Variants in KCNH7 observed in about 807,000 individuals in gnomAD.
KCNH7 encodes voltage-gated inwardly rectifying potassium channel KCNH7.
A neutral mutation model predicts 120.8 loss-of-function variants in KCNH7; 49 were observed. That is an observed-to-expected ratio of 0.41 (90% confidence interval 0.32 to 0.51). The LOEUF (loss-of-function observed/expected upper bound fraction) is 0.51. KCNH7 is among the 20% of genes least tolerant of loss of function. The probability of loss-of-function intolerance (pLI) is 0.38; values close to 1 mark genes in which losing one functional copy is unlikely to be tolerated. For synonymous variants in KCNH7, 547 were observed against 516.1 expected (o/e 1.06, Z -0.81); for missense variants, 1,097 against 1,446.6 (o/e 0.76, Z 3.92).
chr2:162,411,190 A>G (rs751701434), intron 9 of KCNH7, among the ~76,000 whole-genome samples: 1 of 152,116 alleles, frequency 6.6e-6, no homozygotes, highest in Non-Finnish European at 1.5e-5. Context: ...TAGCAAAGAC[A>G]TGAAACCAAC....
rs114361683 is a variant in KCNH7 at position 162,405,687 on chromosome 2, C to T, written c.2155-5246G>A. On this transcript the variant is annotated intron_variant, in intron 9 of 15. Coordinates refer to ENST00000332142, the MANE Select transcript of KCNH7 (RefSeq NM_033272.4). ...GTGCCAAAGTTAATATAAGCCTGAACTTCTGATTTGATGTATGTGCTTATC... is the reference window on the plus strand; with the variant it reads ...GTGCCAAAGTTAATATAAGCCTGAATTTCTGATTTGATGTATGTGCTTATC... Among the ~76,000 whole-genome samples the T allele has an allele frequency of 8.1e-3, 1,235 of 152,014 alleles. 21 individuals are homozygous for T. Among genetic ancestry groups the T allele is most frequent in the African/African-American group, 0.028 (1,179 of 41,506 alleles).
intron 2 of KCNH7, among the ~76,000 whole-genome samples, chr2:162,768,452 T>C (rs1213347789): frequency 1.3e-5 from 2 of 152,088 alleles, no homozygotes; most frequent in Non-Finnish European, 2.9e-5. Context: ...CTATCTTCCA[T>C]CCAATTCAAC....
rs373187963 is a variant in KCNH7 at position 162,752,726 on chromosome 2, C to T, written c.307+83811G>A. Among the ~76,000 whole-genome samples the T allele has an allele frequency of 1.6e-4, 24 of 151,210 alleles. 1 individual carries two copies. The highest frequency in any genetic ancestry group is 5.6e-4 in the African/African-American group (23 of 41,324). ...CCAGCCTGGACAACATGGTGAAACCCCATCTCTACTAAAATGACAAAAATT... is the reference window on the plus strand; with the variant it reads ...CCAGCCTGGACAACATGGTGAAACCTCATCTCTACTAAAATGACAAAAATT... On this transcript the variant is annotated intron_variant, in intron 2 of 15. Coordinates refer to ENST00000332142, the MANE Select transcript of KCNH7 (RefSeq NM_033272.4).
chr2:162,660,707 T>C (rs765698605), intron 2 of KCNH7, among the ~76,000 whole-genome samples: 5 of 152,200 alleles, frequency 3.3e-5, no homozygotes, highest in Admixed American at 6.5e-5. Flanking sequence ...AATTTTTCAG[T>C]TTAGAAATTA....
At chr2:162,659,477 G>A (rs13386540) in intron 2 of KCNH7, among the ~76,000 whole-genome samples, 8,960 of 151,992 alleles carry the variant, frequency 0.059, 833 homozygotes, top group African/African-American at 0.19. Context: ...GAGTACCTGG[G>A]ATTACAGGCA....
At chr2:162,820,254 T>TGTGTG (rs59154139) in intron 2 of KCNH7, among the ~76,000 whole-genome samples, 48 of 147,672 alleles carry the variant, frequency 3.3e-4, no homozygotes, top group Non-Finnish European at 4.0e-4. Context: ...TGTGTGTGTG[T>TGTGTG]TTAGTAGAGA....
intron 15 of KCNH7, 112 bp downstream of exon 15, chr2:162,373,358 G>C: frequency 1.5e-6 from 1 of 660,638 alleles, no homozygotes; most frequent in Non-Finnish European, 2.3e-6. Context: ...AGTAGAAACA[G>C]AGATAGGGAC....
chr2:162,517,242 C>CT (rs1364057451), intron 4 of KCNH7, among the ~76,000 whole-genome samples: 1 of 151,654 alleles, frequency 6.6e-6, no homozygotes, highest in Non-Finnish European at 1.5e-5. Flanking sequence ...CCCCTTCATC[C>CT]TACCTACCTT....
chr2:162,435,487 T>C lies in KCNH7; in HGVS notation c.1665A>G (p.Leu555=), dbSNP rs776160115. The change falls in exon 8 of 16, where the codon TTA becomes TTG. Residue 555 remains leucine (L), a synonymous_variant. Coordinates refer to ENST00000332142, the MANE Select transcript of KCNH7 (RefSeq NM_033272.4). ...GAGCAATCAGGGCAAAGATGCACAT[T>C]AAGAGCATTAGAACAGCAGCGCCAT... ...SEYGAAVLML[L]MCIFALIAHW... 2 of 1,613,742 alleles carry C rather than the reference T, an allele frequency of 1.2e-6. No individual in the cohort carries two copies. Among genetic ancestry groups the C allele is most frequent in the Non-Finnish European group, 1.7e-6 (2 of 1,179,846 alleles).
At chr2:162,417,779 C>T (rs1173657012) in intron 9 of KCNH7, among the ~76,000 whole-genome samples, 1 of 152,062 alleles carries the variant, frequency 6.6e-6, no homozygotes, top group African/African-American at 2.4e-5. Context: ...ATGAAGTGAC[C>T]ATCATCACTT....
At position 162,762,446 on chromosome 2, in the gene KCNH7, A is replaced by G. The variant is rs369665250; in HGVS notation, c.307+74091T>C. ...TGGAGAGAAGAATTATGCTTTTGGGAGCAGTGGGAAGAAAGACTATGGATT... is the reference window on the plus strand; with the variant it reads ...TGGAGAGAAGAATTATGCTTTTGGGGGCAGTGGGAAGAAAGACTATGGATT... On this transcript the variant is annotated intron_variant, in intron 2 of 15. Coordinates refer to ENST00000332142, the MANE Select transcript of KCNH7 (RefSeq NM_033272.4). Among the ~76,000 whole-genome samples, 15 of 152,070 alleles carry G rather than the reference A, an allele frequency of 9.9e-5. No individual in the cohort carries two copies. In the South Asian group the frequency reaches 2.9e-3, roughly 29 times the overall value.
At chr2:162,573,920 C>T (rs1231386538) in intron 2 of KCNH7, among the ~76,000 whole-genome samples, 1 of 151,888 alleles carries the variant, frequency 6.6e-6, no homozygotes, top group Non-Finnish European at 1.5e-5. Flanking sequence ...AAAAAAATGC[C>T]TGTGAGGACG....
intron 10 of KCNH7, among the ~76,000 whole-genome samples, chr2:162,398,733 G>T (rs147986341): frequency 4.6e-5 from 7 of 152,002 alleles, no homozygotes; most frequent in African/African-American, 1.7e-4. Context: ...AGCTAGGACT[G>T]GCTGACTTGA....
chr2:162,715,957 T>C (rs1486687388), intron 2 of KCNH7, among the ~76,000 whole-genome samples: 1 of 148,192 alleles, frequency 6.7e-6, no homozygotes, highest in Non-Finnish European at 1.5e-5. Context: ...TGTGTGTGTG[T>C]GTGTGTGTGT....
chr2:162,640,070 C>A (rs1368012274), intron 2 of KCNH7, among the ~76,000 whole-genome samples: 1 of 152,082 alleles, frequency 6.6e-6, no homozygotes, highest in Non-Finnish European at 1.5e-5. Context: ...AATGTAGTGA[C>A]AAAGTGTGTT....
intron 2 of KCNH7, among the ~76,000 whole-genome samples, chr2:162,569,248 T>TTA (rs1467736342): frequency 2.0e-5 from 3 of 152,030 alleles, no homozygotes; most frequent in Non-Finnish European, 4.4e-5. Flanking sequence ...TCTTCCTGGT[T>TTA]TAGTCTTGGG....
intron 2 of KCNH7, among the ~76,000 whole-genome samples, chr2:162,572,989 T>A (rs941661100): frequency 2.6e-5 from 4 of 152,066 alleles, no homozygotes; most frequent in Non-Finnish European, 4.4e-5. Context: ...ATGGCACATG[T>A]ATACATATGT....
At chr2:162,500,973 T>C (rs1047028591) in intron 6 of KCNH7, among the ~76,000 whole-genome samples, 22 of 152,116 alleles carry the variant, frequency 1.4e-4, no homozygotes, top group African/African-American at 5.3e-4. Context: ...AAATGAAGTA[T>C]GTAATCCTAT....
intron 2 of KCNH7, among the ~76,000 whole-genome samples, chr2:162,638,679 A>G (rs1244565369): frequency 6.6e-6 from 1 of 152,126 alleles, no homozygotes; most frequent in African/African-American, 2.4e-5. Context: ...TTTCCAAGGA[A>G]TATGAAATTT....
Sources: gnomAD v4.1 joint callset for allele counts (sites outside exome capture counted in the v4.1 genomes callset) on GRCh38, gnomAD v4.1.1 for gene constraint, MANE v1.5 for transcripts, NCBI Gene and HGNC (gene_info 2026-07-23, HGNC 2026-07-21) for gene names.